The following PCDHGA5 variants were observed in gnomAD, a reference collection of about 807,000 sequenced individuals.
PCDHGA5 encodes the protein protocadherin gamma-A5.
PCDHGA5 carries 36 observed loss-of-function variants against 56.7 expected under a neutral mutation model. The ratio of observed to expected loss-of-function variants is 0.64; its 90% CI spans 0.49 to 0.84. PCDHGA5 has a LOEUF of 0.84. Among genes scored for constraint, PCDHGA5 ranks in the 40% least tolerant of loss-of-function variants. The pLI, the probability that PCDHGA5 is intolerant of heterozygous loss-of-function variation, is 0.00. For synonymous variants in PCDHGA5, 563 were observed against 520.2 expected, an observed-to-expected ratio of 1.08 and a Z score of -1.12; for missense variants, 1,305 against 1,201.5, an observed-to-expected ratio of 1.09 and a Z score of -1.27.
Position 141,487,631 on chromosome 5 carries a change from G to T in PCDHGA5, c.2422-7176G>T. Reference sequence around the variant, plus strand: ...TGGGCTAGAGGTGAGACCTTTGCAGGCTCAACAAATGCTTGAGGGTTATTC... The same window carrying T: ...TGGGCTAGAGGTGAGACCTTTGCAGTCTCAACAAATGCTTGAGGGTTATTC... On this transcript the variant is annotated intron_variant, in intron 1 of 3. Transcript: ENST00000518069. The surrounding 1 kb of genome is among the most constrained non-coding windows in gnomAD (Gnocchi z 5.0). The T allele has an allele frequency of 6.2e-7, 1 of 1,614,176 alleles. No individual in the cohort carries two copies. Among genetic ancestry groups the T allele is most frequent in the Non-Finnish European group, 8.5e-7 (1 of 1,180,032 alleles).
At chr5:141,510,519 C>A (rs182721864) in intron 3 of PCDHGA5, among the ~76,000 whole-genome samples, 1 of 152,260 alleles carries the variant, frequency 6.6e-6, no homozygotes, top group East Asian at 1.9e-4. Context: ...CGTGTCACAG[C>A]CCTGAGAGAA....
At chr5:141,430,815 T>A in intron 1 of PCDHGA5, 1 of 1,535,252 alleles carries the variant, frequency 6.5e-7, no homozygotes, top group Non-Finnish European at 8.7e-7. Flanking sequence ...CTGGGAATCC[T>A]CCTGGGGACT....
chr5:141,397,424 T>A (rs975746097), intron 1 of PCDHGA5, among the ~76,000 whole-genome samples: 4 of 152,324 alleles, frequency 2.6e-5, no homozygotes, highest in African/African-American at 9.6e-5. Flanking sequence ...ATAGTATAGA[T>A]TTCCCTAATA....
intron 1 of PCDHGA5, among the ~76,000 whole-genome samples, chr5:141,407,816 ATAT>A (rs1270765996): frequency 6.6e-6 from 1 of 152,228 alleles, no homozygotes; most frequent in Non-Finnish European, 1.5e-5. Context: ...ATCTACTATA[ATAT>A]TATGGTGAGA....
chr5:141,426,559 C>T (rs1401963895), intron 1 of PCDHGA5: 1 of 353,038 alleles, frequency 2.8e-6, no homozygotes, highest in Non-Finnish European at 5.6e-6. Context: ...CAGAATAGAT[C>T]GAGAGTCACT....
chr5:141,374,708 C>G, intron 1 of PCDHGA5: 2 of 1,609,146 alleles, frequency 1.2e-6, no homozygotes, highest in East Asian at 2.2e-5. Flanking sequence ...AGCCGTTTAC[C>G]GCCTGGTCCT....
Position 141,405,333 on chromosome 5 carries a change from C to T in PCDHGA5, c.2421+38582C>T, listed in dbSNP as rs1253133454. 29 of 1,614,086 alleles carry T rather than the reference C, an allele frequency of 1.8e-5. No homozygotes were observed. Among genetic ancestry groups the T allele is most frequent in the Non-Finnish European group, 2.5e-5 (29 of 1,180,034 alleles). ...GAGAAAAATGAGCCTTTGTGCGTCT[C>T]TGTTGATTCCAAGTTTCCTATAGAA... On this transcript the variant is annotated intron_variant, in intron 1 of 3. Coordinates refer to ENST00000518069, the MANE Select transcript of PCDHGA5 (RefSeq NM_018918.3).
At chr5:141,408,055 C>CCGG in intron 1 of PCDHGA5, 1 of 1,299,130 alleles carries the variant, frequency 7.7e-7, no homozygotes, top group South Asian at 1.6e-5. Flanking sequence ...ACAGAGCCTC[C>CCGG]CGGCTGCGCA....
intron 1 of PCDHGA5, chr5:141,387,798 G>T: frequency 6.6e-7 from 1 of 1,505,108 alleles, no homozygotes; most frequent in Non-Finnish European, 8.9e-7. Context: ...ACTAAAGTCC[G>T]TTCGGAGATC....
intron 1 of PCDHGA5, chr5:141,468,662 C>G (rs1381049343): frequency 6.6e-6 from 1 of 150,534 alleles, no homozygotes; most frequent in East Asian, 2.0e-4. Context: ...GTCAGGAGAT[C>G]AAGACCATCC....
rs368585389 is a variant in PCDHGA5, at chr5:141,419,428, G to A, written c.2421+52677G>A. On this transcript the variant is annotated intron_variant, in intron 1 of 3. Coordinates refer to ENST00000518069, the MANE Select transcript of PCDHGA5 (RefSeq NM_018918.3). ...TCGCGCAGCGCGCCTTCGACCACGAGCAGCTGCGCACCTTCGAGCTCACGC... is the reference window on the plus strand; with the variant it reads ...TCGCGCAGCGCGCCTTCGACCACGAACAGCTGCGCACCTTCGAGCTCACGC... 4 of 1,613,192 alleles carry A rather than the reference G, an allele frequency of 2.5e-6. No individual in the cohort carries two copies. In the African/African-American group the frequency reaches 4.0e-5, roughly 16 times the overall value.
intron 1 of PCDHGA5, among the ~76,000 whole-genome samples, chr5:141,488,738 A>G (rs1462948813): frequency 1.3e-5 from 2 of 152,222 alleles, no homozygotes; most frequent in Non-Finnish European, 2.9e-5. Context: ...TTCTGAAGTC[A>G]TGCAGGAAGT....
chr5:141,468,486 TG>T (rs1562016448), intron 1 of PCDHGA5: 14 of 152,288 alleles, frequency 9.2e-5, no homozygotes. Context: ...GTAGGTCTCA[TG>T]GAAGATTTTC....
intron 2 of PCDHGA5, among the ~76,000 whole-genome samples, chr5:141,495,440 A>G (rs2099761377): frequency 6.6e-6 from 1 of 151,898 alleles, no homozygotes; most frequent in African/African-American, 2.4e-5. Context: ...CTCTGCCCCT[A>G]CTTGTCCTGC....
intron 1 of PCDHGA5, among the ~76,000 whole-genome samples, chr5:141,450,112 T>G (rs2098669735): frequency 6.6e-6 from 1 of 150,618 alleles, no homozygotes; most frequent in Non-Finnish European, 1.5e-5. Context: ...GTTCAAATGA[T>G]TCTCCTGCCT....
Position 141,432,136 on chromosome 5 carries a change from T to C in PCDHGA5, c.2422-62671T>C, listed in dbSNP as rs766026174. 2 of 1,613,960 alleles carry C rather than the reference T, an allele frequency of 1.2e-6. No individual in the cohort carries two copies. The highest frequency in any genetic ancestry group is 1.7e-5 in the Admixed American group (1 of 59,996). On this transcript the variant is annotated intron_variant, in intron 1 of 3. Transcript: ENST00000518069. The surrounding 1 kb of genome is among the most constrained non-coding windows in gnomAD (Gnocchi z 6.0). ...TCTTCCCTCAGGCCTCCTATTCCGC[T>C]TATATCCCAGAGAACAATCCCAGAG...
In PCDHGA5 at chr5:141,394,984, T is replaced by C. The variant is rs777878747; in HGVS notation, c.2421+28233T>C. On this transcript the variant is annotated intron_variant, in intron 1 of 3. Transcript: ENST00000518069. ...CTGAGGCGCTGGCACAAGTCACGCC[T>C]GCTCCAGGATTCCGGTGGCAGATTG... 5 of 1,614,026 alleles carry C rather than the reference T, an allele frequency of 3.1e-6. 1 individual carries two copies. In the South Asian group the frequency reaches 4.4e-5, roughly 14 times the overall value.
At chr5:141,418,672 G>A (rs1170411469) in intron 1 of PCDHGA5, 3 of 1,614,022 alleles carry the variant, frequency 1.9e-6, no homozygotes, top group Non-Finnish European at 2.5e-6. Context: ...ACCAGGACGA[G>A]GGCATCAACT....
chr5:141,463,184 T>A (rs62379194), intron 1 of PCDHGA5, among the ~76,000 whole-genome samples: 5,135 of 152,236 alleles, frequency 0.034, 100 homozygotes, highest in Middle Eastern at 0.088. Context: ...CTCAGATTAT[T>A]ATTTAGCCAA....
Sources: allele counts gnomAD v4.1 joint callset (sites outside exome capture counted in the v4.1 genomes callset), GRCh38; gene constraint gnomAD v4.1.1; non-coding constraint Gnocchi (gnomAD v3.1); transcripts MANE v1.5; gene names NCBI Gene and HGNC (gene_info 2026-07-23, HGNC 2026-07-21).